ARFIP1: variants seen among roughly 807,000 people sequenced by gnomAD.
ARFIP1 encodes the protein arfaptin-1.
A neutral mutation model predicts 42.5 loss-of-function variants in ARFIP1; 24 were observed. That is an observed-to-expected ratio of 0.57 (90% CI 0.41 to 0.80). The LOEUF (loss-of-function observed/expected upper bound fraction) is 0.80. Ranked by LOEUF, ARFIP1 falls within the 30% of genes least tolerant of loss-of-function variation. ARFIP1 has a pLI of 0.00. For missense variants in ARFIP1, 354 were observed against 434.0 expected (o/e 0.82, Z 1.64); for synonymous variants, 141 against 153.7 (o/e 0.92, Z 0.61).
intron 5 of ARFIP1, among the ~76,000 whole-genome samples, chr4:152,875,736 C>T (rs1347846461): frequency 1.3e-5 from 2 of 149,166 alleles, no homozygotes; most frequent in African/African-American, 2.5e-5. Context: ...TTTGGCACTA[C>T]AGAAGAGCTC....
intron 8 of ARFIP1, among the ~76,000 whole-genome samples, chr4:152,897,874 A>G (rs898914786): frequency 6.6e-6 from 1 of 151,866 alleles, no homozygotes; most frequent in African/African-American, 2.4e-5. Flanking sequence ...TTTAGTTCTT[A>G]GTAGTTATGG....
In ARFIP1 at chr4:152,844,350, T is replaced by G. The variant is rs183965890; in HGVS notation, c.93+14624T>G. Among the ~76,000 whole-genome samples the G allele has an allele frequency of 1.5e-3, 224 of 152,338 alleles. 1 individual carries two copies. Among genetic ancestry groups the G allele is most frequent in the African/African-American group, 4.9e-3 (204 of 41,580 alleles). ...CGGGATTGCTGATTTGTTCTTGCAG[T>G]CAATCTGGAGCTAAAATTTACAATG... On this transcript the variant is annotated intron_variant, in intron 2 of 8. Coordinates refer to ENST00000353617, the MANE Select transcript of ARFIP1 (RefSeq NM_001025595.3).
At chr4:152,846,816 C>T (rs551421499) in intron 2 of ARFIP1, among the ~76,000 whole-genome samples, 12 of 152,152 alleles carry the variant, frequency 7.9e-5, no homozygotes, top group African/African-American at 2.9e-4. Flanking sequence ...GCATAATGCA[C>T]TTTTAAAAGT....
chr4:152,908,891 AGTGTGTGTGTGT>A lies in ARFIP1; in HGVS notation c.967-1134_967-1123del, dbSNP rs58362465. On this transcript the variant is annotated intron_variant, in intron 8 of 8. Coordinates refer to ENST00000353617, the MANE Select transcript of ARFIP1 (RefSeq NM_001025595.3). ...TCATTTTCAGAAATGGCTAGAGAGAAGTGTGTGTGTGTGTGTGTGTGTGTGTGTGTGTGTGTG... is the reference window on the plus strand; with the variant it reads ...TCATTTTCAGAAATGGCTAGAGAGAAGTGTGTGTGTGTGTGTGTGTGTGTG... 3.4e-3 allele frequency among the ~76,000 whole-genome samples: 450 copies of A among 132,562 alleles called. 6 individuals carry two copies. In the South Asian group the frequency reaches 0.041, roughly 12 times the overall value. 87.0% of individuals were successfully genotyped at this position (132,562 alleles called of 152,430 possible).
chr4:152,841,067 C>T (rs1035422423), intron 2 of ARFIP1, among the ~76,000 whole-genome samples: 6 of 151,576 alleles, frequency 4.0e-5, no homozygotes, highest in Non-Finnish European at 5.9e-5. Context: ...AGTCTCGCCT[C>T]GCTCTGTTGC....
At chr4:152,896,610 G>C (rs1737354419) in intron 8 of ARFIP1, among the ~76,000 whole-genome samples, 1 of 151,958 alleles carries the variant, frequency 6.6e-6, no homozygotes, top group African/African-American at 2.4e-5. Context: ...TACCTATAGA[G>C]GGAACAGGGT....
At chr4:152,890,735 A>G (rs767099906) in intron 8 of ARFIP1, among the ~76,000 whole-genome samples, 1 of 152,132 alleles carries the variant, frequency 6.6e-6, no homozygotes, top group Non-Finnish European at 1.5e-5. Flanking sequence ...AGTGGAAACA[A>G]TTGGTAGGAA....
intron 2 of ARFIP1, among the ~76,000 whole-genome samples, chr4:152,837,630 G>GT (rs1731759861): frequency 6.6e-6 from 1 of 151,788 alleles, no homozygotes; most frequent in Non-Finnish European, 1.5e-5. Context: ...GGATTATTTG[G>GT]TTTTTTCTTA....
intron 1 of ARFIP1, among the ~76,000 whole-genome samples, chr4:152,806,053 G>T (rs1016362028): frequency 5.3e-5 from 8 of 152,190 alleles, no homozygotes; most frequent in Admixed American, 5.2e-4. Context: ...AACCAGTTAT[G>T]CCTGTATTGC....
chr4:152,797,979 C>T (rs1244526778), intron 1 of ARFIP1, among the ~76,000 whole-genome samples: 7 of 152,116 alleles, frequency 4.6e-5, no homozygotes, highest in South Asian at 2.1e-4. Flanking sequence ...TAGAAATGGC[C>T]GGGCGCGGTG....
chr4:152,834,406 T>A (rs140730616), intron 2 of ARFIP1, among the ~76,000 whole-genome samples: 1 of 152,336 alleles, frequency 6.6e-6, no homozygotes, highest in East Asian at 1.9e-4. Context: ...GACGAATTTC[T>A]TCCACCTATG....
chr4:152,804,453 T>TATATATA (rs1220074712), intron 1 of ARFIP1, among the ~76,000 whole-genome samples: 1 of 111,610 alleles, frequency 9.0e-6, no homozygotes, highest in African/African-American at 3.4e-5. Context: ...TTATATATAT[T>TATATATA]ATATATAATA....
chr4:152,862,136 G>A (rs1733945131), intron 2 of ARFIP1, among the ~76,000 whole-genome samples: 1 of 152,094 alleles, frequency 6.6e-6, no homozygotes, highest in Admixed American at 6.6e-5. Context: ...CTAGTTGCTG[G>A]CCTCCATGCT....
intron 1 of ARFIP1, among the ~76,000 whole-genome samples, chr4:152,806,331 C>T (rs1728991720): frequency 6.6e-6 from 1 of 152,036 alleles, no homozygotes; most frequent in East Asian, 1.9e-4. Context: ...ACTTCTTTTG[C>T]TGCTGGGTTG....
intron 1 of ARFIP1, among the ~76,000 whole-genome samples, chr4:152,780,431 A>G (rs1403911457): frequency 1.3e-5 from 2 of 152,116 alleles, no homozygotes; most frequent in Admixed American, 1.3e-4. Context: ...TGTGCCCCCG[A>G]AACAGTCGAG....
At chr4:152,873,452 C>T (rs1290404890) in intron 5 of ARFIP1, among the ~76,000 whole-genome samples, 1 of 152,058 alleles carries the variant, frequency 6.6e-6, no homozygotes, top group Non-Finnish European at 1.5e-5. Context: ...GTAAAACCTC[C>T]CTGAAACATG....
At chr4:152,858,734 G>C (rs1226054102) in intron 2 of ARFIP1, among the ~76,000 whole-genome samples, 1 of 152,134 alleles carries the variant, frequency 6.6e-6, no homozygotes, top group East Asian at 1.9e-4. Flanking sequence ...CAACCCTGCT[G>C]TCATGATGTA....
At chr4:152,788,772 A>G (rs976102620) in intron 1 of ARFIP1, among the ~76,000 whole-genome samples, 1 of 148,962 alleles carries the variant, frequency 6.7e-6, no homozygotes, top group African/African-American at 2.5e-5. Context: ...TCCATATTTT[A>G]TTCAGATTAC....
chr4:152,881,850 G>C (rs563626612), intron 6 of ARFIP1, among the ~76,000 whole-genome samples: 1 of 152,232 alleles, frequency 6.6e-6, no homozygotes, highest in South Asian at 2.1e-4. Context: ...CGTAATTACA[G>C]CTATTGCAAT....
Sources: allele counts gnomAD v4.1 joint callset (sites outside exome capture counted in the v4.1 genomes callset), GRCh38; gene constraint gnomAD v4.1.1; transcripts MANE v1.5; gene names NCBI Gene and HGNC (gene_info 2026-07-23, HGNC 2026-07-21).